TP53BP1: variants seen among roughly 807,000 people sequenced by gnomAD.
TP53BP1 encodes the protein tumor protein p53 binding protein 1, also known as TP53-binding protein 1.
In TP53BP1, 61 loss-of-function variants were observed where a neutral mutation model predicts 200.8. That is an observed-to-expected ratio of 0.30 (90% CI 0.25 to 0.38). The LOEUF (loss-of-function observed/expected upper bound fraction) is 0.38, where lower values mean the gene tolerates loss of function less well. TP53BP1 is among the 10% of genes least tolerant of loss of function. The pLI is 1.00. For synonymous variants in TP53BP1, 822 were observed against 844.3 expected, an observed-to-expected ratio of 0.97 and a Z score of 0.46; for missense variants, 2,144 against 2,371.9, an observed-to-expected ratio of 0.90 and a Z score of 2.00.
intron 26 of TP53BP1, 76 bp from the exon 27 acceptor site, chr15:43,408,164 G>A (rs1380531116): frequency 7.0e-6 from 10 of 1,435,166 alleles, no homozygotes; most frequent in South Asian, 3.8e-5. Flanking sequence ...AGGGACTCAT[G>A]TACATCTGAA....
chr15:43,447,634 C>A, intron 12 of TP53BP1, 149 bp from the exon 13 acceptor site: 2 of 735,968 alleles, frequency 2.7e-6, no homozygotes. Flanking sequence ...ATTGCCACCA[C>A]CCTCACCAGG....
chr15:43,415,512 A>T, intron 23 of TP53BP1, 82 bp downstream of exon 23: 1 of 1,462,368 alleles, frequency 6.8e-7, no homozygotes, highest in Non-Finnish European at 9.6e-7. Flanking sequence ...CCACTGCCAC[A>T]TATTAAGCTC....
At chr15:43,507,697 C>T (rs1243498031) in intron 1 of TP53BP1, among the ~76,000 whole-genome samples, 1 of 151,646 alleles carries the variant, frequency 6.6e-6, no homozygotes, top group Non-Finnish European at 1.5e-5. Flanking sequence ...GACACAGATG[C>T]TAATGCTCCA....
chr15:43,459,550 G>A (rs1454096391), intron 11 of TP53BP1, among the ~76,000 whole-genome samples: 2 of 151,748 alleles, frequency 1.3e-5, no homozygotes, highest in African/African-American at 2.4e-5. Flanking sequence ...CAATATAAAT[G>A]GAATAAAATA....
intron 18 of TP53BP1, among the ~76,000 whole-genome samples, chr15:43,426,881 G>A (rs969929591): frequency 3.3e-5 from 5 of 151,540 alleles, no homozygotes; most frequent in South Asian, 2.1e-4. Flanking sequence ...AGCCAGGCAC[G>A]GTGGCGGGTG....
Position 43,409,225 on chromosome 15 carries a change from A to G in TP53BP1, c.5401-129T>C, listed in dbSNP as rs45556736. 781 of 801,140 alleles carry G rather than the reference A, an allele frequency of 9.7e-4. 4 individuals are homozygous for G. In the African/African-American group the frequency reaches 0.012, roughly 12 times the overall value. 49.6% of individuals were successfully genotyped at this position (801,140 alleles called of 1,614,324 possible). ...TACTACCCAAAATGTGATTTAGTCT[A>G]TCCTGCCCAAGGCCACTCTTCTCAC... On this transcript the variant is annotated intron_variant, in intron 25 of 27. Transcript: ENST00000382044.
chr15:43,408,203 C>T, intron 26 of TP53BP1, 115 bp from the exon 27 acceptor site: 12 of 1,073,208 alleles, frequency 1.1e-5, no homozygotes, highest in Admixed American at 2.4e-5. Flanking sequence ...CCCCATCAGA[C>T]ATAGTGTCTC....
intron 12 of TP53BP1, among the ~76,000 whole-genome samples, chr15:43,452,426 T>C (rs2051062279): frequency 6.6e-6 from 1 of 151,890 alleles, no homozygotes; most frequent in Non-Finnish European, 1.5e-5. Flanking sequence ...AGCATGCTGG[T>C]ACACGCCTGT....
intron 11 of TP53BP1, among the ~76,000 whole-genome samples, chr15:43,465,557 G>C (rs1312976105): frequency 5.3e-5 from 8 of 151,772 alleles, no homozygotes; most frequent in Admixed American, 4.6e-4. Flanking sequence ...AAAAGAAGAA[G>C]AACAGAGAAA....
chr15:43,415,628 G>A lies in TP53BP1; in HGVS notation c.5055C>T (p.Ala1685=). The change falls in exon 23 of 28, where the codon GCC becomes GCT. Residue 1685 remains alanine, a synonymous_variant. Coordinates refer to ENST00000382044, the MANE Select transcript of TP53BP1 (RefSeq NM_001141980.3). ...LITSEEERSP[A]KRGRKSATVK... ...CTGTGGCAGACTTGCGACCTCGCTT[G>A]GCAGGGGACCGTTCCTCTTCAGAAG... The A allele has an allele frequency of 6.2e-7, 1 of 1,614,234 alleles. No individual in the cohort carries two copies. The highest frequency in any genetic ancestry group is 8.5e-7 in the Non-Finnish European group (1 of 1,180,040).
At chr15:43,470,098 A>G (rs750087682) in intron 10 of TP53BP1, 32 bp from the exon 11 acceptor site, 10 of 1,541,806 alleles carry the variant, frequency 6.5e-6, no homozygotes, top group Non-Finnish European at 8.9e-6. Flanking sequence ...AAATTGAGAA[A>G]TATCACTCAT....
intron 15 of TP53BP1, among the ~76,000 whole-genome samples, chr15:43,440,121 A>G (rs905737539): frequency 6.6e-6 from 1 of 152,210 alleles, no homozygotes; most frequent in Admixed American, 6.5e-5. Flanking sequence ...CTTTTATTTG[A>G]TATTTTATTT....
chr15:43,414,589 TCA>T (rs998014377), intron 23 of TP53BP1, among the ~76,000 whole-genome samples: 3 of 152,142 alleles, frequency 2.0e-5, no homozygotes, highest in African/African-American at 7.2e-5. Flanking sequence ...TGGGCCTGGG[TCA>T]CAGTAGGGAC....
chr15:43,407,188 CAAAAAAACAGAT>C lies in TP53BP1; in HGVS notation c.*183_*194del, dbSNP rs2044928956. The C allele has an allele frequency of 1.8e-6, 1 of 570,936 alleles. No individual in the cohort carries two copies. The allele number at this position is 570,936 out of a possible 1,614,324, so 35.4% of individuals were successfully genotyped here. A position where few individuals can be genotyped will look rare whatever the true frequency, so the allele number is the denominator to read the frequency against. ...TTGTCATTTGTTCTGAGATTAAGCT[CAAAAAAACAGAT>C]GAAGAAATCCCAGTTACTACAACCA... On this transcript the variant is annotated 3_prime_UTR_variant, in exon 28 of 28. Transcript: ENST00000382044.
intron 15 of TP53BP1, 80 bp from the exon 16 acceptor site, chr15:43,438,496 G>A: frequency 2.1e-5 from 26 of 1,218,438 alleles, no homozygotes; most frequent in East Asian, 7.7e-5. Context: ...TATGCACAGA[G>A]GAAATAAAAT....
Position 43,446,618 on chromosome 15 carries a change from A to C in TP53BP1, c.2837-28T>G, listed in dbSNP as rs900590448. 4.4e-6 allele frequency: 7 copies of C among 1,601,384 alleles called. No homozygotes were observed. In the African/African-American group the frequency reaches 8.1e-5, roughly 18 times the overall value. ...GAAAGAAGTGAGGCAGGGAGGAAGA[A>C]AAAAAGAACACTAAAATACAAACAC... On this transcript the variant is annotated intron_variant, in intron 13 of 27. Coordinates refer to ENST00000382044, the MANE Select transcript of TP53BP1 (RefSeq NM_001141980.3).
intron 1 of TP53BP1, among the ~76,000 whole-genome samples, chr15:43,507,048 G>A (rs962934588): frequency 2.0e-5 from 3 of 152,058 alleles, no homozygotes; most frequent in African/African-American, 4.8e-5. Context: ...CCACTTACTC[G>A]AGCCCACTCC....
chr15:43,495,135 G>A (rs2079174096), upstream of TP53BP1, among the ~76,000 whole-genome samples: 2 of 150,878 alleles, frequency 1.3e-5, no homozygotes, highest in South Asian at 4.2e-4. Flanking sequence ...AGGTTGCAAT[G>A]AGCCAAGATT....
chr15:43,455,777 A>C, intron 12 of TP53BP1, 115 bp downstream of exon 12: 1 of 1,293,556 alleles, frequency 7.7e-7, no homozygotes, highest in Non-Finnish European at 1.1e-6. Context: ...TTGGTTGTTC[A>C]TAAACATAAA....
Sources: allele counts gnomAD v4.1 joint callset (sites outside exome capture counted in the v4.1 genomes callset), GRCh38; gene constraint gnomAD v4.1.1; transcripts MANE v1.5; gene names NCBI Gene and HGNC (gene_info 2026-07-23, HGNC 2026-07-21).